Variants in MYO9B observed in about 807,000 individuals in gnomAD.
The protein encoded by MYO9B is unconventional myosin-IXb.
MYO9B carries 71 observed loss-of-function variants against 229.5 expected under a neutral mutation model. The ratio of observed to expected loss-of-function variants is 0.31; its 90% CI spans 0.26 to 0.38. The LOEUF (loss-of-function observed/expected upper bound fraction) is 0.38. MYO9B is among the 10% of genes least tolerant of loss of function. MYO9B has a pLI of 1.00. For missense variants in MYO9B, 2,255 were observed against 2,920.5 expected (o/e 0.77, Z 5.25); for synonymous variants, 1,185 against 1,235.8 (o/e 0.96, Z 0.86).
At chr19:17,185,061 G>C (rs2072902441) in intron 17 of MYO9B, 74 bp downstream of exon 17, 2 of 1,600,890 alleles carry the variant, frequency 1.2e-6, no homozygotes, top group Admixed American at 1.7e-5. Flanking sequence ...CCGACACCGA[G>C]CACAGCCCGT....
chr19:17,103,122 T>C lies in MYO9B; in HGVS notation c.840+565T>C, dbSNP rs187413231. 2.2e-3 allele frequency: 338 copies of C among 151,658 alleles called. 1 individual carries two copies. The highest frequency in any genetic ancestry group is 8.0e-3 in the African/African-American group (328 of 41,154). 9.4% of individuals were successfully genotyped at this position (151,658 alleles called of 1,614,324 possible). A position where few individuals can be genotyped will look rare whatever the true frequency, so the allele number is the denominator to read the frequency against. On this transcript the variant is annotated intron_variant, in intron 2 of 39. Transcript: ENST00000682292. Reference sequence around the variant, plus strand: ...TTGTTGTCCCAGCTATTGGAGAGGCTAAGGCGGGAGGATCGCTTGAGCCCA... The same window carrying C: ...TTGTTGTCCCAGCTATTGGAGAGGCCAAGGCGGGAGGATCGCTTGAGCCCA...
intron 1 of MYO9B, among the ~76,000 whole-genome samples, chr19:17,098,046 C>A (rs766059939): frequency 0.011 from 153 of 14,332 alleles, no homozygotes; most frequent in Non-Finnish European, 0.016. Context: ...TCCTTCAGAA[C>A]CCCCCCCCCC....
chr19:17,148,882 C>T (rs1342129622), intron 3 of MYO9B, among the ~76,000 whole-genome samples: 1 of 152,040 alleles, frequency 6.6e-6, no homozygotes, highest in Non-Finnish European at 1.5e-5. Context: ...CCACGCCCGA[C>T]CCCCTCTTCT....
chr19:17,153,893 T>A, intron 4 of MYO9B, 74 bp from the exon 5 acceptor site: 1 of 1,059,358 alleles, frequency 9.4e-7, no homozygotes, highest in Non-Finnish European at 1.5e-6. Context: ...CAAAGCCATG[T>A]TAGTAGTGGT....
chr19:17,200,108 G>T (rs899721542), intron 24 of MYO9B, among the ~76,000 whole-genome samples, 185 bp from the exon 25 acceptor site: 5 of 152,110 alleles, frequency 3.3e-5, no homozygotes, highest in Non-Finnish European at 7.4e-5. Flanking sequence ...CCTGACCTCA[G>T]ATGATCCACC....
chr19:17,180,220 G>A (rs2072841494), intron 14 of MYO9B, among the ~76,000 whole-genome samples: 1 of 138,522 alleles, frequency 7.2e-6, no homozygotes, highest in African/African-American at 3.0e-5. Context: ...GCGACAGAGT[G>A]AGACTCCGTC....
intron 2 of MYO9B, among the ~76,000 whole-genome samples, chr19:17,103,053 CA>C (rs55897174): frequency 0.22 from 20,123 of 92,050 alleles, 1,558 homozygotes; most frequent in Non-Finnish European, 0.28. Flanking sequence ...CCCCTCTCTA[CA>C]AAAAAAAAAA....
intron 2 of MYO9B, among the ~76,000 whole-genome samples, chr19:17,117,950 A>G (rs1224493692): frequency 4.0e-5 from 6 of 151,416 alleles, no homozygotes; most frequent in Non-Finnish European, 8.8e-5. Flanking sequence ...AAAAAAAAAA[A>G]AAAAAAAGAA....
intron 14 of MYO9B, among the ~76,000 whole-genome samples, chr19:17,176,955 C>T (rs1302795269): frequency 6.6e-6 from 1 of 152,198 alleles, no homozygotes; most frequent in Non-Finnish European, 1.5e-5. Flanking sequence ...AATCCCAGCA[C>T]TTTGGGAGAC....
chr19:17,195,858 A>T lies in MYO9B; in HGVS notation c.4046+385A>T, dbSNP rs1226688139. Among the ~76,000 whole-genome samples the T allele has an allele frequency of 2.0e-5, 3 of 152,026 alleles. No homozygotes were observed. Among genetic ancestry groups the T allele is most frequent in the Non-Finnish European group, 4.4e-5 (3 of 68,020 alleles). Reference sequence around the variant, plus strand: ...CAGGGGCTTGCTCTGCCTGAGCCTTAGTAAGCCAAGTGTCAGTGACTTGGA... The same window carrying T: ...CAGGGGCTTGCTCTGCCTGAGCCTTTGTAAGCCAAGTGTCAGTGACTTGGA... On this transcript the variant is annotated intron_variant, in intron 22 of 39. Transcript: ENST00000682292. This position sits in a 1 kb window ranked among gnomAD's most constrained non-coding sequence, Gnocchi z 4.5.
intron 2 of MYO9B, among the ~76,000 whole-genome samples, chr19:17,136,859 A>T (rs2072276504): frequency 6.6e-6 from 1 of 152,162 alleles, no homozygotes. Context: ...TGGGAGGCTG[A>T]GATGGAAGGA....
At chr19:17,084,900 G>T (rs1241154694) in intron 1 of MYO9B, among the ~76,000 whole-genome samples, 2 of 151,970 alleles carry the variant, frequency 1.3e-5, no homozygotes, top group Non-Finnish European at 2.9e-5. Flanking sequence ...GCAAGACTCT[G>T]TCTCAAAGGG....
intron 24 of MYO9B, among the ~76,000 whole-genome samples, 179 bp from the exon 25 acceptor site, chr19:17,200,114 C>T (rs2145486435): frequency 2.0e-5 from 3 of 152,290 alleles, no homozygotes; most frequent in Admixed American, 2.0e-4. Flanking sequence ...CTCAGATGAT[C>T]CACCCGCCTG....
intron 13 of MYO9B, among the ~76,000 whole-genome samples, chr19:17,175,304 G>A (rs1423635230): frequency 6.6e-6 from 1 of 151,830 alleles, no homozygotes; most frequent in Non-Finnish European, 1.5e-5. Context: ...AAAGGTTGGG[G>A]GGTGTTGCAG....
chr19:17,154,451 G>A, intron 6 of MYO9B, 36 bp downstream of exon 6: 4 of 1,525,496 alleles, frequency 2.6e-6, no homozygotes, highest in Non-Finnish European at 2.7e-6. Context: ...GTCCCCCAGA[G>A]CCTACAGGGG....
intron 14 of MYO9B, 23 bp from the exon 15 acceptor site, chr19:17,180,904 G>GC (rs781008643): frequency 2.6e-6 from 4 of 1,511,148 alleles, no homozygotes; most frequent in African/African-American, 1.4e-5. Context: ...CTGTCACTGC[G>GC]CCCCCTCCAC....
intron 1 of MYO9B, among the ~76,000 whole-genome samples, chr19:17,096,703 TTGG>T (rs759502732): frequency 0.19 from 10,318 of 52,920 alleles, 653 homozygotes; most frequent in Non-Finnish European, 0.24. Context: ...GTTGTTGTTG[TTGG>T]TTTTTTTTTT....
intron 2 of MYO9B, among the ~76,000 whole-genome samples, chr19:17,139,449 T>C (rs943640146): frequency 2.0e-5 from 3 of 149,388 alleles, no homozygotes; most frequent in Admixed American, 2.0e-4. Flanking sequence ...ATTCTGTCTC[T>C]AAATAGATAG....
At chr19:17,149,019 G>A (rs1239830719) in intron 3 of MYO9B, among the ~76,000 whole-genome samples, 1 of 152,098 alleles carries the variant, frequency 6.6e-6, no homozygotes, top group Non-Finnish European at 1.5e-5. Flanking sequence ...TTGTTGCCCA[G>A]GCTAGAGTAC....
Sources: allele counts gnomAD v4.1 joint callset (sites outside exome capture counted in the v4.1 genomes callset), GRCh38; gene constraint gnomAD v4.1.1; non-coding constraint Gnocchi (gnomAD v3.1); transcripts MANE v1.5; gene names NCBI Gene and HGNC (gene_info 2026-07-23, HGNC 2026-07-21).